The following APBB2 variants were observed in gnomAD, a reference collection of about 807,000 sequenced individuals.
APBB2 encodes Fe65-like 1.
Under a neutral mutation model 82.5 loss-of-function variants are expected in APBB2, and 38 were observed. That is an observed-to-expected ratio of 0.46 (90% CI 0.36 to 0.60). APBB2 has a LOEUF of 0.60. Among genes scored for constraint, APBB2 ranks in the 20% least tolerant of loss-of-function variants. The pLI is 0.00. For missense variants in APBB2, 772 were observed against 972.3 expected (o/e 0.79, Z 2.74); for synonymous variants, 341 against 368.2 (o/e 0.93, Z 0.85).
At chr4:40,948,889 C>CAA (rs1789234875) in intron 6 of APBB2, among the ~76,000 whole-genome samples, 3 of 24,466 alleles carry the variant, frequency 1.2e-4, no homozygotes, top group Non-Finnish European at 1.5e-4. Flanking sequence ...GATCCTGTCT[C>CAA]CAAAAAAAAA....
chr4:40,957,149 T>C (rs771430198), intron 6 of APBB2, among the ~76,000 whole-genome samples: 13 of 152,232 alleles, frequency 8.5e-5, no homozygotes, highest in Non-Finnish European at 1.9e-4. Context: ...GCCGGGCACA[T>C]AGTAATCACT....
At chr4:40,957,519 A>T (rs564270901) in intron 6 of APBB2, among the ~76,000 whole-genome samples, 55 of 152,042 alleles carry the variant, frequency 3.6e-4, no homozygotes, top group African/African-American at 1.3e-3. Context: ...AGAACAAAAT[A>T]GTTTAAATCT....
At chr4:41,172,477 A>G (rs1355626366) in intron 1 of APBB2, among the ~76,000 whole-genome samples, 2 of 152,206 alleles carry the variant, frequency 1.3e-5, no homozygotes, top group African/African-American at 4.8e-5. Context: ...AGCACTCTAT[A>G]ATTACTCTTC....
chr4:40,818,857 T>G (rs1272688701), intron 17 of APBB2, among the ~76,000 whole-genome samples: 1 of 152,200 alleles, frequency 6.6e-6, no homozygotes. Flanking sequence ...GCCCCACCTT[T>G]GCAATCTGCT....
intron 1 of APBB2, among the ~76,000 whole-genome samples, chr4:41,158,366 T>C (rs1444469904): frequency 6.6e-6 from 1 of 152,222 alleles, no homozygotes; most frequent in African/African-American, 2.4e-5. Context: ...AGTTTATGTC[T>C]AAGAGGCTAT....
intron 4 of APBB2, among the ~76,000 whole-genome samples, chr4:41,034,141 T>C (rs892971872): frequency 2.0e-5 from 3 of 152,244 alleles, no homozygotes; most frequent in Admixed American, 2.0e-4. Context: ...CCACTTCTGA[T>C]AATTTGTTTC....
intron 6 of APBB2, among the ~76,000 whole-genome samples, chr4:41,006,835 A>G (rs1408320354): frequency 6.6e-6 from 1 of 152,242 alleles, no homozygotes; most frequent in East Asian, 1.9e-4. Flanking sequence ...AAGCCATCTG[A>G]GCTAAAATGA....
At chr4:41,022,911 TC>T (rs1306830811) in intron 5 of APBB2, among the ~76,000 whole-genome samples, 1 of 152,170 alleles carries the variant, frequency 6.6e-6, no homozygotes, top group Non-Finnish European at 1.5e-5. Context: ...GGAAAGGATA[TC>T]CTTGATATAT....
chr4:41,179,395 C>A (rs996328573), intron 1 of APBB2, among the ~76,000 whole-genome samples: 2 of 152,262 alleles, frequency 1.3e-5, no homozygotes, highest in South Asian at 4.1e-4. Context: ...AGATTCAATT[C>A]ATCTACCGTC....
chr4:41,210,625 G>A (rs949604387), intron 1 of APBB2, among the ~76,000 whole-genome samples: 7 of 152,300 alleles, frequency 4.6e-5, no homozygotes, highest in African/African-American at 1.7e-4. Context: ...TGTTGGTAGT[G>A]CAACATTATT....
intron 1 of APBB2, among the ~76,000 whole-genome samples, chr4:41,208,243 T>C (rs1778438600): frequency 6.6e-6 from 1 of 152,192 alleles, no homozygotes. Context: ...ACGTTTTTCC[T>C]TCTACCTCGA....
In APBB2 at chr4:40,893,280, G is replaced by A. The variant is rs541142091; in HGVS notation, c.1386C>T (p.Val462=). The A allele has an allele frequency of 4.3e-5, 70 of 1,613,402 alleles. No homozygotes were observed. Among genetic ancestry groups the A allele is most frequent in the South Asian group, 1.7e-4 (15 of 90,848 alleles). Residue 462 remains valine, a synonymous_variant, in exon 11 of 18, where the codon GTC becomes GTT. Transcript: ENST00000508593. ...SYCKNDIRDT[V]GIWGEGKDMY... ...TGCCACTTACCTCTCCCCAAATCCC[G>A]ACTGTGTCTCGGATGTCATTTTTGC...
At chr4:41,117,665 G>C (rs142387174) in intron 2 of APBB2, among the ~76,000 whole-genome samples, 1,846 of 152,190 alleles carry the variant, frequency 0.012, 13 homozygotes, top group Non-Finnish European at 0.02. Flanking sequence ...CAAGTCATAG[G>C]ATTGGTGGAT....
chr4:41,040,385 C>T (rs1371167335), intron 4 of APBB2, among the ~76,000 whole-genome samples: 1 of 152,138 alleles, frequency 6.6e-6, no homozygotes, highest in African/African-American at 2.4e-5. Flanking sequence ...CGGGTCCTTC[C>T]AGCACTAACG....
chr4:41,041,299 C>T (rs1721419683), intron 4 of APBB2, among the ~76,000 whole-genome samples: 1 of 152,158 alleles, frequency 6.6e-6, no homozygotes, highest in African/African-American at 2.4e-5. Context: ...TAGTACAATA[C>T]ACACAGTTTC....
chr4:41,157,714 C>G (rs1041047044), intron 1 of APBB2, among the ~76,000 whole-genome samples: 6 of 152,098 alleles, frequency 3.9e-5, no homozygotes, highest in African/African-American at 1.4e-4. Flanking sequence ...GACTCCAGGC[C>G]GCGCAGTGGC....
intron 17 of APBB2, among the ~76,000 whole-genome samples, chr4:40,819,885 T>A (rs1266706929): frequency 2.0e-5 from 3 of 152,178 alleles, no homozygotes; most frequent in Non-Finnish European, 4.4e-5. Flanking sequence ...CCATCGTAGC[T>A]CACTGCACCT....
chr4:40,851,739 T>TATATA (rs57639176), intron 12 of APBB2, among the ~76,000 whole-genome samples: 128 of 34,750 alleles, frequency 3.7e-3, no homozygotes, highest in East Asian at 0.016. Flanking sequence ...TATATATATA[T>TATATA]TTTTTTTTTT....
intron 3 of APBB2, among the ~76,000 whole-genome samples, chr4:41,097,851 A>G (rs1428382282): frequency 6.6e-6 from 1 of 152,204 alleles, no homozygotes; most frequent in African/African-American, 2.4e-5. Flanking sequence ...GGTTAAAAAG[A>G]AGTGTGGAGG....
Sources: allele counts gnomAD v4.1 joint callset (sites outside exome capture counted in the v4.1 genomes callset), GRCh38; gene constraint gnomAD v4.1.1; transcripts MANE v1.5; gene names NCBI Gene and HGNC (gene_info 2026-07-23, HGNC 2026-07-21).